IL17RC: variants seen among roughly 807,000 people sequenced by gnomAD.
The protein encoded by IL17RC is interleukin 17 receptor C, also known as interleukin-17 receptor C.
Under a neutral mutation model 86.7 loss-of-function variants are expected in IL17RC, and 53 were observed. The observed-to-expected ratio is 0.61, with a 90% CI of 0.49 to 0.77. IL17RC has a LOEUF of 0.77. Among genes scored for constraint, IL17RC ranks in the 30% least tolerant of loss-of-function variants. IL17RC has a pLI of 0.00. For missense variants in IL17RC, 957 were observed against 940.0 expected (o/e 1.02, Z -0.24); for synonymous variants, 439 against 413.1 (o/e 1.06, Z -0.76).
Position 9,917,177 on chromosome 3 carries a change from G to A in IL17RC, c.-139G>A, listed in dbSNP as rs1032159578. On this transcript the variant is annotated 5_prime_UTR_variant, in exon 1 of 19. Coordinates refer to ENST00000403601, the MANE Select transcript of IL17RC (RefSeq NM_153460.4). ...GAGAGTGCACAAACTACCCAGCACA[G>A]CCCCCTCCGCCCCCTCTGGAGGCTG... 7.7e-6 allele frequency: 5 copies of A among 649,378 alleles called. No homozygotes were observed. The highest frequency in any genetic ancestry group is 1.1e-5 in the Non-Finnish European group (4 of 375,974). The allele number at this position is 649,378 out of a possible 1,614,324, so 40.2% of individuals were successfully genotyped here. A position where few individuals can be genotyped will look rare whatever the true frequency, so the allele number is the denominator to read the frequency against.
chr3:9,918,131 GCATGAGGGCCAGGGGATCTCT>G lies in IL17RC; in HGVS notation c.280+59_280+79del, dbSNP rs771348189. Reference sequence around the variant, plus strand: ...GTACACGTGAGTGTGTCTGGGGTGGGCATGAGGGCCAGGGGATCTCTCAAGCAGTGCTAGGCATCCTCAGTG... The same window carrying G: ...GTACACGTGAGTGTGTCTGGGGTGGGCAAGCAGTGCTAGGCATCCTCAGTG... On this transcript the variant is annotated intron_variant, in intron 3 of 18. Coordinates refer to ENST00000403601, the MANE Select transcript of IL17RC (RefSeq NM_153460.4). The G allele has an allele frequency of 4.6e-6, 7 of 1,526,842 alleles. No homozygotes were observed. In the African/African-American group the frequency reaches 9.6e-5, roughly 21 times the overall value. The allele number at this position is 1,526,842 out of a possible 1,614,324, so 94.6% of individuals were successfully genotyped here.
intron 2 of IL17RC, 53 bp from the exon 3 acceptor site, chr3:9,917,870 C>G: frequency 6.2e-7 from 1 of 1,612,248 alleles, no homozygotes; most frequent in Non-Finnish European, 8.5e-7. Flanking sequence ...TCAGGTGCCA[C>G]CAAATTCTGG....
chr3:9,924,798 T>C (rs1188489210), intron 9 of IL17RC, among the ~76,000 whole-genome samples: 5 of 152,176 alleles, frequency 3.3e-5, no homozygotes, highest in African/African-American at 9.7e-5. Context: ...TTCCTCTTCC[T>C]CTGTACATTT....
chr3:9,925,938 C>A (rs1358728633), intron 9 of IL17RC, among the ~76,000 whole-genome samples: 2 of 151,106 alleles, frequency 1.3e-5, no homozygotes, highest in African/African-American at 4.9e-5. Flanking sequence ...CGTCTCATTG[C>A]AGCCCCAAGC....
At chr3:9,932,572 G>A (rs755165027) in intron 16 of IL17RC, 36 bp from the exon 17 acceptor site, 1 of 1,574,754 alleles carries the variant, frequency 6.4e-7, no homozygotes, top group Non-Finnish European at 8.7e-7. Flanking sequence ...CTCTGTGGAG[G>A]GTAAGTTTCT....
chr3:9,924,262 A>G lies in IL17RC; in HGVS notation c.793A>G (p.Thr265Ala), dbSNP rs780936831. Residue 265 changes from threonine to alanine, a missense_variant, in exon 9 of 19, where the codon ACA becomes GCA. By Grantham distance (58) the Thr-to-Ala change is moderately conservative. Coordinates refer to ENST00000403601, the MANE Select transcript of IL17RC (RefSeq NM_153460.4). Reference protein sequence around the residue: ...TGPQIITLNHTDLVPCLCIQV... With the variant: ...TGPQIITLNHADLVPCLCIQV... ...ACCGCAGATCATTACCTTGAACCAC[A>G]CAGACCTGGTTCCCTGCCTCTGTAT... 1 of 1,613,904 alleles carries G rather than the reference A, an allele frequency of 6.2e-7. No individual in the cohort carries two copies. Among genetic ancestry groups the G allele is most frequent in the Non-Finnish European group, 8.5e-7 (1 of 1,179,934 alleles).
At chr3:9,924,150 C>T (rs1306929031) in intron 8 of IL17RC, 82 bp from the exon 9 acceptor site, 3 of 1,608,018 alleles carry the variant, frequency 1.9e-6, no homozygotes, top group Non-Finnish European at 2.5e-6. Context: ...GGGGGAACTT[C>T]TGCCTTCCTG....
chr3:9,926,181 A>C (rs2084054018), intron 9 of IL17RC, among the ~76,000 whole-genome samples: 1 of 151,272 alleles, frequency 6.6e-6, no homozygotes, highest in Non-Finnish European at 1.5e-5. Context: ...TTACAGGCAC[A>C]CACCACCATG....
Position 9,933,383 on chromosome 3 carries a change from C to T in IL17RC, c.1953C>T (p.Pro651=), listed in dbSNP as rs376117551. 8.1e-6 allele frequency: 13 copies of T among 1,613,048 alleles called. No homozygotes were observed. In the African/African-American group the frequency reaches 1.1e-4, roughly 13 times the overall value. The change falls in exon 19 of 19, where the codon CCC becomes CCT. Residue 651 remains proline (P), a synonymous_variant. Coordinates refer to ENST00000403601, the MANE Select transcript of IL17RC (RefSeq NM_153460.4). Reference sequence around the variant, plus strand: ...TACCCGCCCTTTTCCGCACCGTGCCCGTCTTCACACTGCCCTCCCAACTGC... The same window carrying T: ...TACCCGCCCTTTTCCGCACCGTGCCTGTCTTCACACTGCCCTCCCAACTGC... ...DAVPALFRTV[P]VFTLPSQLPD...
chr3:9,918,144 G>A, intron 3 of IL17RC, 69 bp downstream of exon 3: 1 of 1,501,060 alleles, frequency 6.7e-7, no homozygotes, highest in Non-Finnish European at 9.0e-7. Flanking sequence ...TGAGGGCCAG[G>A]GGATCTCTCA....
In IL17RC at chr3:9,924,033, C is replaced by A; in HGVS notation, c.762+13C>A. 6.2e-7 allele frequency: 1 copy of A among 1,613,092 alleles called. No individual in the cohort carries two copies. The highest frequency in any genetic ancestry group is 8.5e-7 in the Non-Finnish European group (1 of 1,180,036). ...GCACAAAAACCTGGTGAGGCCTCCC[C>A]CTTCCCAAGTCCATTCCCACTGTAG... On this transcript the variant is annotated intron_variant, in intron 8 of 18. Coordinates refer to ENST00000403601, the MANE Select transcript of IL17RC (RefSeq NM_153460.4).
At position 9,928,347 on chromosome 3, in the gene IL17RC, A is replaced by G. The variant is rs279549; in HGVS notation, c.920A>G (p.Gln307Arg). ...HQNLWQAARL[Q>R]LLTLQSWLLD... ...AACCTCTGGCAAGCCGCCCGACTGC[A>G]ACTGCTGACCCTGCAGAGCTGGCTG... The change falls in exon 11 of 19, where the codon CAA becomes CGA. Residue 307 changes from glutamine (Q) to arginine (R), a missense_variant. By Grantham distance (43) the Gln-to-Arg change is conservative. Transcript: ENST00000403601. 0.99 allele frequency: 1,594,737 copies of G among 1,603,840 alleles called. 792,850 individuals carry two copies. Among genetic ancestry groups the G allele is most frequent in the East Asian group, 1 (44,630 of 44,630 alleles).
chr3:9,923,904 G>A lies in IL17RC; in HGVS notation c.646G>A (p.Ala216Thr). 6.2e-7 allele frequency: 1 copy of A among 1,614,136 alleles called. No individual in the cohort carries two copies. The highest frequency in any genetic ancestry group is 1.1e-5 in the South Asian group (1 of 91,080). The change falls in exon 8 of 19, where the codon GCA (alanine) becomes ACA (threonine). Residue 216 changes from alanine (A) to threonine (T), a missense_variant. Transcript: ENST00000403601. ...CWALPWLNVS[A>T]DGDNVHLVLN... ...AGCCCTGCCCTGGCTCAACGTGTCAGCAGATGGTGACAACGTGCATCTGGT... is the reference window on the plus strand; with the variant it reads ...AGCCCTGCCCTGGCTCAACGTGTCAACAGATGGTGACAACGTGCATCTGGT...
Position 9,923,957 on chromosome 3 carries a change from CG to C in IL17RC, c.701del (p.Gly234AlafsTer21). ...VLNVSEEQHFGLSLYWNQVQG... is the reference protein window; with the variant it reads ...VLNVSEEQHFXLSLYWNQVQG... ...TGAATGTCTCTGAGGAGCAGCACTTCGGCCTCTCCCTGTACTGGAATCAGGT... is the reference window on the plus strand; with the variant it reads ...TGAATGTCTCTGAGGAGCAGCACTTCGCCTCTCCCTGTACTGGAATCAGGT... On this transcript the variant is annotated frameshift_variant, in exon 8 of 19. Coordinates refer to ENST00000403601, the MANE Select transcript of IL17RC (RefSeq NM_153460.4). LOFTEE classifies it high-confidence loss of function. 1 of 1,614,202 alleles carries C rather than the reference CG, an allele frequency of 6.2e-7. No individual in the cohort carries two copies. Among genetic ancestry groups the C allele is most frequent in the Non-Finnish European group, 8.5e-7 (1 of 1,180,040 alleles).
Position 9,930,924 on chromosome 3 carries a change from G to A in IL17RC, c.1368G>A (p.Trp456Ter). Residue 456 changes from tryptophan (W) to a stop codon, truncating the protein, a stop_gained, in exon 16 of 19, where the codon TGG becomes TGA. Coordinates refer to ENST00000403601, the MANE Select transcript of IL17RC (RefSeq NM_153460.4). LOFTEE classifies it high-confidence loss of function. This position sits in a 1 kb window ranked among gnomAD's most constrained non-coding sequence, Gnocchi z 5.8. ...QLWDDDLGAL[W>*]ACPMDKYIHK... ...GGGACGATGACTTGGGAGCGCTATGGGCCTGCCCCATGGACAAATGTGAGT... is the reference window on the plus strand; with the variant it reads ...GGGACGATGACTTGGGAGCGCTATGAGCCTGCCCCATGGACAAATGTGAGT... The A allele has an allele frequency of 1.9e-6, 3 of 1,614,036 alleles. No homozygotes were observed. Among genetic ancestry groups the A allele is most frequent in the Non-Finnish European group, 1.7e-6 (2 of 1,179,918 alleles).
chr3:9,928,606 A>C lies in IL17RC; in HGVS notation c.1086A>C (p.Lys362Asn), dbSNP rs752080946. 2.5e-6 allele frequency: 4 copies of C among 1,613,748 alleles called. No individual in the cohort carries two copies. Among genetic ancestry groups the C allele is most frequent in the Non-Finnish European group, 8.5e-7 (1 of 1,180,018 alleles). ...AGGTTCTCGAGTTCCCATTGCTGAA[A>C]GGCCACCCTAACCTCTGTGTTCAGG... is the stretch of plus-strand genomic sequence containing the variant. ...VDKVLEFPLLKGHPNLCVQVN... is the reference protein window; with the variant it reads ...VDKVLEFPLLNGHPNLCVQVN... The change falls in exon 12 of 19, where the codon AAA becomes AAC. Residue 362 changes from lysine to asparagine, a missense_variant. Physicochemically the swap from Lys to Asn is moderately conservative, Grantham distance 94 (BLOSUM62 0). Coordinates refer to ENST00000403601, the MANE Select transcript of IL17RC (RefSeq NM_153460.4).
intron 5 of IL17RC, among the ~76,000 whole-genome samples, chr3:9,919,689 T>C (rs903234005): frequency 1.3e-5 from 2 of 152,192 alleles, no homozygotes; most frequent in Non-Finnish European, 2.9e-5. Context: ...TTGTGAGAAT[T>C]AAATTAAGTT....
chr3:9,929,439 T>C, intron 12 of IL17RC: 1 of 217,160 alleles, frequency 4.6e-6, no homozygotes, highest in South Asian at 7.5e-5. Context: ...ACTTATATTG[T>C]AATGGAGAAA....
Position 9,933,608 on chromosome 3 carries a change from T to C in IL17RC, c.*15T>C, listed in dbSNP as rs747248312. The C allele has an allele frequency of 1.0e-5, 16 of 1,562,068 alleles. No individual in the cohort carries two copies. The highest frequency in any genetic ancestry group is 1.3e-5 in the Non-Finnish European group (15 of 1,157,968). On this transcript the variant is annotated 3_prime_UTR_variant, in exon 19 of 19. Transcript: ENST00000403601. The stretch of plus-strand genomic sequence containing the variant: ...ACGGGACTTAAATAAAGGCAGACGC[T>C]GTTTTTCTACCCATGTGGCCCACAC...
Sources: gnomAD v4.1 joint callset for allele counts (sites outside exome capture counted in the v4.1 genomes callset) on GRCh38, gnomAD v4.1.1 for gene constraint, Gnocchi (gnomAD v3.1) non-coding constraint, MANE v1.5 for transcripts, NCBI Gene and HGNC (gene_info 2026-07-23, HGNC 2026-07-21) for gene names.